DOCK3: variants seen among roughly 807,000 people sequenced by gnomAD.
DOCK3 encodes the protein dedicator of cytokinesis protein 3.
DOCK3 carries 60 observed loss-of-function variants against 265.6 expected under a neutral mutation model. The observed-to-expected ratio is 0.23, with a 90% CI of 0.18 to 0.28. The LOEUF is 0.28. Ranked by LOEUF, DOCK3 falls within the 10% of genes least tolerant of loss-of-function variation. The probability of loss-of-function intolerance (pLI) is 1.00; values close to 1 mark genes in which losing one functional copy is unlikely to be tolerated. For synonymous variants in DOCK3, 881 were observed against 938.0 expected (o/e 0.94, Z 1.11); for missense variants, 1,981 against 2,594.3 (o/e 0.76, Z 5.14).
At chr3:51,089,123 C>A in intron 7 of DOCK3, 120 bp from the exon 8 acceptor site, 1 of 1,021,680 alleles carries the variant, frequency 9.8e-7, no homozygotes, top group Non-Finnish European at 1.4e-6. Context: ...ACAAAGTTAT[C>A]AGAATTAAAT....
chr3:51,339,167 A>G (rs2085073596), intron 37 of DOCK3, 139 bp downstream of exon 37: 2 of 682,050 alleles, frequency 2.9e-6, no homozygotes, highest in African/African-American at 3.8e-5. Flanking sequence ...CCCTCACCTC[A>G]CTCATTTCCC....
rs148465688 is a variant in DOCK3, at chr3:50,879,382, C to A, written c.163-10644C>A. 5.6e-3 allele frequency among the ~76,000 whole-genome samples: 849 copies of A among 152,142 alleles called. 9 individuals carry two copies. Among genetic ancestry groups the A allele is most frequent in the African/African-American group, 0.018 (742 of 41,480 alleles). ...CATCAGTGTGCTATATTCAGGAGAC[C>A]CATCTCAGGTGCAGAGACACACATA... On this transcript the variant is annotated intron_variant, in intron 3 of 52. Transcript: ENST00000266037.
intron 13 of DOCK3, among the ~76,000 whole-genome samples, chr3:51,210,254 CTG>C (rs2089433255): frequency 6.6e-6 from 1 of 152,180 alleles, no homozygotes; most frequent in African/African-American, 2.4e-5. Context: ...CGAGCAGGGA[CTG>C]TGCCATATTC....
chr3:50,814,484 C>T (rs778664828), intron 2 of DOCK3, among the ~76,000 whole-genome samples: 2 of 151,872 alleles, frequency 1.3e-5, no homozygotes, highest in African/African-American at 4.8e-5. Context: ...CAGTTTTGTA[C>T]GGAGCTCCTA....
At chr3:51,281,803 G>A (rs1188416719) in intron 27 of DOCK3, among the ~76,000 whole-genome samples, 5 of 152,156 alleles carry the variant, frequency 3.3e-5, no homozygotes, top group African/African-American at 1.2e-4. Flanking sequence ...CTTTTGGTCA[G>A]AGCATTCCCC....
At chr3:51,315,166 T>A (rs2083297192) in intron 32 of DOCK3, 38 bp downstream of exon 32, 1 of 1,555,770 alleles carries the variant, frequency 6.4e-7, no homozygotes, top group African/African-American at 1.4e-5. Context: ...TTCTCTGGAA[T>A]GGATCCCTTC....
At chr3:50,747,094 G>T (rs2039495044) in intron 1 of DOCK3, among the ~76,000 whole-genome samples, 1 of 151,454 alleles carries the variant, frequency 6.6e-6, no homozygotes, top group African/African-American at 2.4e-5. Flanking sequence ...TTGCATCTTT[G>T]TAAAAAATCA....
At chr3:50,952,847 CAA>C (rs918713064) in intron 5 of DOCK3, among the ~76,000 whole-genome samples, 5 of 152,102 alleles carry the variant, frequency 3.3e-5, no homozygotes, top group African/African-American at 1.2e-4. Context: ...GAAGCTGAGA[CAA>C]GAGCCAGTAT....
intron 7 of DOCK3, among the ~76,000 whole-genome samples, chr3:51,077,921 C>T (rs952882281): frequency 3.9e-5 from 6 of 152,118 alleles, no homozygotes; most frequent in Non-Finnish European, 7.4e-5. Flanking sequence ...AACCCAGTGG[C>T]CATACAGCAC....
intron 12 of DOCK3, among the ~76,000 whole-genome samples, chr3:51,164,752 ACTT>A (rs1225981375): frequency 6.6e-6 from 1 of 151,980 alleles, no homozygotes; most frequent in African/African-American, 2.4e-5. Flanking sequence ...AAAGAAATAA[ACTT>A]CTTTTAATTA....
In DOCK3 at chr3:50,998,844, A is replaced by G. The variant is rs2078371903; in HGVS notation, c.315+64767A>G. On this transcript the variant is annotated intron_variant, in intron 5 of 52. Coordinates refer to ENST00000266037, the MANE Select transcript of DOCK3 (RefSeq NM_004947.5). ...TTAGATAAGCACCATAAATCTAGCA[A>G]CTAATCCTGCAGTGTGATTAAAAAG... 2.0e-5 allele frequency among the ~76,000 whole-genome samples: 3 copies of G among 152,220 alleles called. No homozygotes were observed. In the South Asian group the frequency reaches 6.2e-4, roughly 31 times the overall value.
intron 4 of DOCK3, among the ~76,000 whole-genome samples, chr3:50,891,599 A>G (rs1362248247): frequency 6.6e-6 from 1 of 152,020 alleles, no homozygotes; most frequent in Admixed American, 6.6e-5. Context: ...TTAGCAAAGT[A>G]TATATTTTGG....
At position 51,338,347 on chromosome 3, in the gene DOCK3, T is replaced by G. The variant is rs1412369649; in HGVS notation, c.3612-12T>G. On this transcript the variant is annotated splice_polypyrimidine_tract_variant and intron_variant, in intron 35 of 52. Transcript: ENST00000266037. Reference sequence around the variant, plus strand: ...CTTCATATCTGGTGCTCATCTGTGCTCTCTCTTCCAGGGACTGCATGAAAG... The same window carrying G: ...CTTCATATCTGGTGCTCATCTGTGCGCTCTCTTCCAGGGACTGCATGAAAG... 1 of 1,551,636 alleles carries G rather than the reference T, an allele frequency of 6.4e-7. No homozygotes were observed.
At chr3:50,856,482 T>A (rs999064840) in intron 3 of DOCK3, among the ~76,000 whole-genome samples, 1 of 152,228 alleles carries the variant, frequency 6.6e-6, no homozygotes, top group Non-Finnish European at 1.5e-5. Context: ...CACATGTATG[T>A]CTTCTTTTGA....
chr3:51,290,282 A>G (rs1441675125), intron 27 of DOCK3, among the ~76,000 whole-genome samples: 2 of 152,238 alleles, frequency 1.3e-5, no homozygotes, highest in African/African-American at 2.4e-5. Flanking sequence ...CTTGGAACCA[A>G]CGCAGATGTC....
At chr3:50,804,032 C>G (rs559576819) in intron 2 of DOCK3, among the ~76,000 whole-genome samples, 1 of 146,574 alleles carries the variant, frequency 6.8e-6, no homozygotes, top group African/African-American at 2.5e-5. Flanking sequence ...GGGTGGTGGT[C>G]GGGCAGAGAC....
Position 50,778,710 on chromosome 3 carries a change from T to C in DOCK3, c.73T>C (p.Leu25=), listed in dbSNP as rs1253310745. 6.3e-7 allele frequency: 1 copy of C among 1,589,662 alleles called. No individual in the cohort carries two copies. The highest frequency in any genetic ancestry group is 8.6e-7 in the Non-Finnish European group (1 of 1,166,986). Residue 25 remains leucine (L), a synonymous_variant, in exon 2 of 53, where the codon TTG becomes CTG. Transcript: ENST00000266037. ...CSFRGSVPQG[L]VLEIGETVQI... ...CTTTCGAGGATCTGTCCCTCAAGGGTTGGTCTTAGAAATAGGAGAAACAGT... is the reference window on the plus strand; with the variant it reads ...CTTTCGAGGATCTGTCCCTCAAGGGCTGGTCTTAGAAATAGGAGAAACAGT...
intron 21 of DOCK3, among the ~76,000 whole-genome samples, chr3:51,239,863 A>G (rs1258977584): frequency 9.9e-5 from 15 of 151,816 alleles, no homozygotes; most frequent in Admixed American, 9.8e-4. Context: ...TTATTAGTCT[A>G]GCTAGCAGTC....
chr3:50,963,416 A>C (rs1010889639), intron 5 of DOCK3, among the ~76,000 whole-genome samples: 1 of 152,190 alleles, frequency 6.6e-6, no homozygotes, highest in African/African-American at 2.4e-5. Flanking sequence ...ATATTGTTTC[A>C]TGAACTTAGA....
Sources: gnomAD v4.1 joint callset for allele counts (sites outside exome capture counted in the v4.1 genomes callset) on GRCh38, gnomAD v4.1.1 for gene constraint, MANE v1.5 for transcripts, NCBI Gene and HGNC (gene_info 2026-07-23, HGNC 2026-07-21) for gene names.